Variants in GABBR2 observed in about 807,000 individuals in gnomAD.
GABBR2 encodes gamma-aminobutyric acid type B receptor subunit 2, also known as G-protein coupled receptor 51.
In GABBR2, 23 loss-of-function variants were observed where a neutral mutation model predicts 105.6. The observed-to-expected ratio is 0.22, with a 90% CI of 0.16 to 0.31. The LOEUF (loss-of-function observed/expected upper bound fraction) is 0.31, where lower values mean the gene tolerates loss of function less well. GABBR2 is among the 10% of genes least tolerant of loss of function. The probability of loss-of-function intolerance (pLI) is 1.00; values close to 1 mark genes in which losing one functional copy is unlikely to be tolerated. For synonymous variants in GABBR2, 478 were observed against 499.7 expected (o/e 0.96, Z 0.58); for missense variants, 734 against 1,245.5 (o/e 0.59, Z 6.18).
At chr9:98,673,564 C>T (rs754556134) in intron 1 of GABBR2, among the ~76,000 whole-genome samples, 8 of 140,894 alleles carry the variant, frequency 5.7e-5, no homozygotes, top group South Asian at 4.7e-4. Flanking sequence ...TGAATATGTA[C>T]GAGAAAACGT....
At chr9:98,564,416 G>A (rs1828721787) in intron 2 of GABBR2, among the ~76,000 whole-genome samples, 1 of 152,210 alleles carries the variant, frequency 6.6e-6, no homozygotes, top group African/African-American at 2.4e-5. Context: ...AGTGCAGTGA[G>A]GGTTACATGA....
At position 98,290,553 on chromosome 9, in the gene GABBR2, G is replaced by T; in HGVS notation, c.*31C>A. 3.0e-6 allele frequency: 4 copies of T among 1,334,910 alleles called. No homozygotes were observed. Among genetic ancestry groups the T allele is most frequent in the East Asian group, 2.9e-5 (1 of 34,706 alleles). The allele number at this position is 1,334,910 out of a possible 1,614,324, so 82.7% of individuals were successfully genotyped here. ...CCTCTGCCCAGTGTGGTTCTGTCAC[G>T]GGGGAGGCCCCGGGCCCAGGCCTCC... On this transcript the variant is annotated 3_prime_UTR_variant, in exon 19 of 19. Transcript: ENST00000259455.
intron 17 of GABBR2, among the ~76,000 whole-genome samples, chr9:98,294,125 G>A (rs747054847): frequency 2.6e-5 from 4 of 152,182 alleles, no homozygotes; most frequent in African/African-American, 4.8e-5. Flanking sequence ...TGCTGGGGAT[G>A]TGTGTGGCAT....
chr9:98,328,461 G>T (rs1359548062), intron 13 of GABBR2, among the ~76,000 whole-genome samples: 1 of 152,102 alleles, frequency 6.6e-6, no homozygotes, highest in Non-Finnish European at 1.5e-5. Context: ...ATGGGAACTG[G>T]GCCCGCATAT....
intron 13 of GABBR2, 104 bp from the exon 14 acceptor site, chr9:98,311,309 G>A (rs1830632911): frequency 1.4e-6 from 1 of 691,882 alleles, no homozygotes; most frequent in African/African-American, 1.8e-5. Context: ...CATAGCCAAT[G>A]CCACTGTTCA....
At chr9:98,455,417 A>G (rs1400684406) in intron 6 of GABBR2, among the ~76,000 whole-genome samples, 2 of 152,194 alleles carry the variant, frequency 1.3e-5, no homozygotes. Flanking sequence ...CCTTGGGGAA[A>G]AATCACACAC....
intron 5 of GABBR2, among the ~76,000 whole-genome samples, chr9:98,478,882 T>C (rs1399555654): frequency 6.6e-6 from 1 of 152,120 alleles, no homozygotes; most frequent in East Asian, 1.9e-4. Flanking sequence ...GTTTTCCTCA[T>C]TCGATCAACA....
At chr9:98,318,217 G>A (rs184861413) in intron 13 of GABBR2, among the ~76,000 whole-genome samples, 54 of 152,310 alleles carry the variant, frequency 3.5e-4, no homozygotes, top group Middle Eastern at 6.8e-3. Flanking sequence ...GCGCGGTCCC[G>A]GGTGGGGCCT....
At chr9:98,455,136 A>G (rs1454845761) in intron 6 of GABBR2, among the ~76,000 whole-genome samples, 2 of 152,196 alleles carry the variant, frequency 1.3e-5, no homozygotes, top group Non-Finnish European at 2.9e-5. Flanking sequence ...AACAGTCCGA[A>G]TAGGCCAGCA....
At chr9:98,362,922 C>T (rs1831612226) in intron 12 of GABBR2, 85 bp from the exon 13 acceptor site, 1 of 1,222,628 alleles carries the variant, frequency 8.2e-7, no homozygotes, top group Non-Finnish European at 1.1e-6. Flanking sequence ...ATAGGGGGAA[C>T]CTGCATCATG....
chr9:98,409,822 A>G (rs1202562376), intron 7 of GABBR2, among the ~76,000 whole-genome samples: 2 of 152,190 alleles, frequency 1.3e-5, no homozygotes, highest in East Asian at 3.8e-4. Flanking sequence ...CCCGCTGCCC[A>G]GCGCTACTTG....
chr9:98,395,457 C>T (rs1324305344), intron 8 of GABBR2, among the ~76,000 whole-genome samples: 8 of 151,742 alleles, frequency 5.3e-5, no homozygotes, highest in East Asian at 3.9e-4. Flanking sequence ...AGATGGGAAT[C>T]GGAGTTGGAG....
At chr9:98,350,247 T>C (rs1831375053) in intron 13 of GABBR2, among the ~76,000 whole-genome samples, 2 of 151,854 alleles carry the variant, frequency 1.3e-5, no homozygotes, top group Admixed American at 6.6e-5. Context: ...TTTCATTTAA[T>C]CCTGCTCTGA....
chr9:98,564,521 T>C (rs1828722841), intron 2 of GABBR2, among the ~76,000 whole-genome samples: 1 of 152,212 alleles, frequency 6.6e-6, no homozygotes, highest in Non-Finnish European at 1.5e-5. Context: ...TCAACCTCTT[T>C]GTGCCTCAGT....
At chr9:98,671,721 C>T (rs938006036) in intron 1 of GABBR2, among the ~76,000 whole-genome samples, 1 of 152,174 alleles carries the variant, frequency 6.6e-6, no homozygotes, top group African/African-American at 2.4e-5. Context: ...TGGTTTTGAT[C>T]TGCATTTGCC....
chr9:98,613,176 T>C (rs1829530055), intron 1 of GABBR2, among the ~76,000 whole-genome samples: 1 of 152,180 alleles, frequency 6.6e-6, no homozygotes, highest in Non-Finnish European at 1.5e-5. Context: ...CACCAGCTGA[T>C]GCCTATAATT....
At chr9:98,641,684 T>A (rs1285520387) in intron 1 of GABBR2, among the ~76,000 whole-genome samples, 2 of 152,214 alleles carry the variant, frequency 1.3e-5, no homozygotes, top group Non-Finnish European at 1.5e-5. Flanking sequence ...AGAGAATCCA[T>A]TCTGCCTTAA....
chr9:98,565,217 C>G (rs1198568272), intron 2 of GABBR2, among the ~76,000 whole-genome samples: 1 of 152,154 alleles, frequency 6.6e-6, no homozygotes, highest in Non-Finnish European at 1.5e-5. Context: ...TGGCGGAGAT[C>G]AAGAGACATT....
intron 3 of GABBR2, among the ~76,000 whole-genome samples, chr9:98,525,446 C>T (rs1564103834): frequency 6.6e-6 from 1 of 152,142 alleles, no homozygotes; most frequent in Non-Finnish European, 1.5e-5. Context: ...ACATCAAAAC[C>T]ACAATGAGAC....
Sources: gnomAD v4.1 joint callset for allele counts (sites outside exome capture counted in the v4.1 genomes callset) on GRCh38, gnomAD v4.1.1 for gene constraint, MANE v1.5 for transcripts, NCBI Gene and HGNC (gene_info 2026-07-23, HGNC 2026-07-21) for gene names.